Variants in DCHS2 observed in about 807,000 individuals in gnomAD.
DCHS2 encodes the protein protocadherin-23.
In DCHS2, 142 loss-of-function variants were observed where a neutral mutation model predicts 182.4. That is an observed-to-expected ratio of 0.78 (90% CI 0.68 to 0.89). DCHS2 has a LOEUF of 0.89. Ranked by LOEUF, DCHS2 falls within the 40% of genes least tolerant of loss-of-function variation. The probability of loss-of-function intolerance (pLI) is 0.00; values close to 1 mark genes in which losing one functional copy is unlikely to be tolerated. For missense variants in DCHS2, 4,319 were observed against 4,198.6 expected (o/e 1.03, Z -0.79); for synonymous variants, 1,740 against 1,663.3 (o/e 1.05, Z -1.12).
In DCHS2 at chr4:154,233,720, A is replaced by T. The variant is rs375468128; in HGVS notation, c.*816T>A. 31 of 152,322 alleles carry T rather than the reference A, an allele frequency of 2.0e-4. No individual in the cohort carries two copies. In the East Asian group the frequency reaches 4.8e-3, roughly 24 times the overall value. The allele number at this position is 152,322 out of a possible 1,614,324, so 9.4% of individuals were successfully genotyped here. A position where few individuals can be genotyped will look rare whatever the true frequency, so the allele number is the denominator to read the frequency against. On this transcript the variant is annotated 3_prime_UTR_variant, in exon 20 of 20. Coordinates refer to ENST00000357232, the MANE Select transcript of DCHS2 (RefSeq NM_001358235.2). ...ACCTACTTATAAGACAAGACCTGAAAAAAAAGCCATTCTGTTTGTAAAGAA... is the reference window on the plus strand; with the variant it reads ...ACCTACTTATAAGACAAGACCTGAATAAAAAGCCATTCTGTTTGTAAAGAA...
Position 154,302,660 on chromosome 4 carries a change from C to T in DCHS2, c.5605+2009G>A, listed in dbSNP as rs539190433. ...GAGTCCCACAGCCATCCGAGGGCTA[C>T]GGAGCTCCCAGTTTCCAACCTGGCT... On this transcript the variant is annotated intron_variant, in intron 12 of 19. Transcript: ENST00000357232. 4.6e-5 allele frequency among the ~76,000 whole-genome samples: 7 copies of T among 151,938 alleles called. No individual in the cohort carries two copies. The East Asian group carries it at 1.2e-3, about 25-fold the overall frequency.
intron 1 of DCHS2, among the ~76,000 whole-genome samples, chr4:154,395,123 C>T (rs1731873966): frequency 1.3e-5 from 2 of 152,118 alleles, no homozygotes; most frequent in Admixed American, 1.3e-4. Flanking sequence ...GCTCCTAACA[C>T]AATGCTTAGC....
intron 10 of DCHS2, among the ~76,000 whole-genome samples, chr4:154,310,926 T>C (rs986812773): frequency 1.3e-5 from 2 of 152,218 alleles, no homozygotes; most frequent in Admixed American, 1.3e-4. Flanking sequence ...CCTGTTTTTG[T>C]AAAGTTTTAT....
chr4:154,474,740 C>T (rs368637233), intron 1 of DCHS2, among the ~76,000 whole-genome samples: 9 of 152,140 alleles, frequency 5.9e-5, no homozygotes, highest in African/African-American at 1.9e-4. Flanking sequence ...CATGCTACTC[C>T]CAATTTTTCT....
chr4:154,319,656 T>TAAAAAAAAA (rs59154846), intron 9 of DCHS2, among the ~76,000 whole-genome samples: 27 of 116,934 alleles, frequency 2.3e-4, no homozygotes, highest in East Asian at 1.7e-3. Flanking sequence ...TGGCTGTTAC[T>TAAAAAAAAA]AAAAAAAAAA....
intron 1 of DCHS2, among the ~76,000 whole-genome samples, chr4:154,400,852 CT>C (rs1467661699): frequency 6.6e-6 from 1 of 152,208 alleles, no homozygotes. Flanking sequence ...AACTTGGGAA[CT>C]GCCAACTGCA....
intron 1 of DCHS2, among the ~76,000 whole-genome samples, chr4:154,380,997 C>T (rs2110817953): frequency 6.6e-6 from 1 of 152,214 alleles, no homozygotes; most frequent in African/African-American, 2.4e-5. Flanking sequence ...AGTTAATAAG[C>T]TCCATGGGCC....
chr4:154,462,850 T>C (rs1387561304), intron 1 of DCHS2, among the ~76,000 whole-genome samples: 1 of 152,046 alleles, frequency 6.6e-6, no homozygotes, highest in Non-Finnish European at 1.5e-5. Flanking sequence ...AACAAGATGA[T>C]AAAATGAAAT....
chr4:154,236,995 A>G lies in DCHS2; in HGVS notation c.7657T>C (p.Ser2553Pro). ...NNYAPEFTVK[S>P]YNLSLSEDAL... Reference sequence around the variant, plus strand: ...TCCTCACTTAGGCTAAGATTATAGGATTTGACTGTGAATTCAGGGGCATAA... The same window carrying G: ...TCCTCACTTAGGCTAAGATTATAGGGTTTGACTGTGAATTCAGGGGCATAA... Residue 2553 changes from serine to proline, a missense_variant, in exon 20 of 20, where the codon TCC becomes CCC. Transcript: ENST00000357232. 1 of 1,614,000 alleles carries G rather than the reference A, an allele frequency of 6.2e-7. No homozygotes were observed. The highest frequency in any genetic ancestry group is 8.5e-7 in the Non-Finnish European group (1 of 1,179,918).
intron 3 of DCHS2, among the ~76,000 whole-genome samples, chr4:154,353,290 A>T (rs570785297): frequency 1.3e-5 from 2 of 152,308 alleles, no homozygotes; most frequent in Admixed American, 6.5e-5. Context: ...ATCCAAGCCC[A>T]CAATTAAAAA....
chr4:154,275,623 C>T (rs191308877), intron 13 of DCHS2, among the ~76,000 whole-genome samples: 34 of 152,090 alleles, frequency 2.2e-4, no homozygotes, highest in African/African-American at 7.2e-4. Context: ...TCTGTGCTTC[C>T]GGGTACAATT....
chr4:154,239,427 T>G (rs1731694724), intron 18 of DCHS2, 125 bp from the exon 19 acceptor site: 1 of 1,402,138 alleles, frequency 7.1e-7, no homozygotes, highest in Admixed American at 2.5e-5. Flanking sequence ...ACAACCTGAC[T>G]TTGTTAGACA....
chr4:154,344,346 G>A (rs1225289592), intron 3 of DCHS2, among the ~76,000 whole-genome samples: 1 of 152,222 alleles, frequency 6.6e-6, no homozygotes, highest in Non-Finnish European at 1.5e-5. Flanking sequence ...CACACTATCT[G>A]TGAAGCACAA....
At chr4:154,249,189 C>T (rs1732227679) in intron 16 of DCHS2, among the ~76,000 whole-genome samples, 1 of 152,180 alleles carries the variant, frequency 6.6e-6, no homozygotes, top group African/African-American at 2.4e-5. Flanking sequence ...AACTATGCAT[C>T]TGGCAAAGGT....
In DCHS2 at chr4:154,379,910, G is replaced by A. The variant is rs894906804; in HGVS notation, c.2053-2466C>T. Reference sequence around the variant, plus strand: ...CTTAGTGGTTCTCAACTAGGGACAAGTTTGCCCCCCAAGAAGACATTTAGT... The same window carrying A: ...CTTAGTGGTTCTCAACTAGGGACAAATTTGCCCCCCAAGAAGACATTTAGT... On this transcript the variant is annotated intron_variant, in intron 1 of 19. Transcript: ENST00000357232. Among the ~76,000 whole-genome samples the A allele has an allele frequency of 3.3e-5, 5 of 152,068 alleles. No individual in the cohort carries two copies. The South Asian group carries it at 6.2e-4, about 19-fold the overall frequency.
intron 1 of DCHS2, among the ~76,000 whole-genome samples, chr4:154,445,055 T>G (rs533559677): frequency 5.8e-4 from 89 of 152,300 alleles, no homozygotes; most frequent in Non-Finnish European, 1.0e-3. Flanking sequence ...CTGACCACCT[T>G]ATCTGAAAGA....
intron 1 of DCHS2, among the ~76,000 whole-genome samples, chr4:154,420,305 G>A (rs199938172): frequency 4.5e-4 from 61 of 134,682 alleles, no homozygotes; most frequent in Admixed American, 1.0e-3. Context: ...AGATAGATAC[G>A]TACGTACATA....
chr4:154,350,442 G>C (rs1185562761), intron 3 of DCHS2, among the ~76,000 whole-genome samples: 1 of 152,006 alleles, frequency 6.6e-6, no homozygotes, highest in Non-Finnish European at 1.5e-5. Flanking sequence ...AGGTGAAACT[G>C]TACATCTATG....
chr4:154,466,651 C>G (rs4696211), intron 1 of DCHS2, among the ~76,000 whole-genome samples: 139,495 of 152,234 alleles, frequency 0.92, 65,169 homozygotes, highest in East Asian at 1. Flanking sequence ...TGCATTTCAT[C>G]TTAGGTAGAT....
Sources: allele counts gnomAD v4.1 joint callset (sites outside exome capture counted in the v4.1 genomes callset), GRCh38; gene constraint gnomAD v4.1.1; transcripts MANE v1.5; gene names NCBI Gene and HGNC (gene_info 2026-07-23, HGNC 2026-07-21).